Variants in SECTM1 observed in about 807,000 individuals in gnomAD.
SECTM1 encodes secreted and transmembrane protein 1.
Under a neutral mutation model 18.1 loss-of-function variants are expected in SECTM1, and 10 were observed. The observed-to-expected ratio is 0.55, with a 90% CI of 0.34 to 0.94. The LOEUF (loss-of-function observed/expected upper bound fraction) is 0.94. Among genes scored for constraint, SECTM1 ranks in the 40% least tolerant of loss-of-function variants. The pLI, the probability that SECTM1 is intolerant of heterozygous loss-of-function variation, is 0.02. For synonymous variants in SECTM1, 137 were observed against 139.2 expected (o/e 0.98, Z 0.11); for missense variants, 297 against 322.6 (o/e 0.92, Z 0.61).
rs991676149 is a variant in SECTM1 at position 82,322,034 on chromosome 17, A to C, written c.*127T>G. ...CTGCACGCACCCAGGAGTGGGTGACACAGAGGCCCAGCCTGCCAAGCAAGC... is the reference window on the plus strand; with the variant it reads ...CTGCACGCACCCAGGAGTGGGTGACCCAGAGGCCCAGCCTGCCAAGCAAGC... On this transcript the variant is annotated 3_prime_UTR_variant, in exon 5 of 5. Transcript: ENST00000269389. 1.1e-5 allele frequency: 9 copies of C among 847,370 alleles called. No individual in the cohort carries two copies. The highest frequency in any genetic ancestry group is 1.5e-5 in the Non-Finnish European group (8 of 530,578). The allele number at this position is 847,370 out of a possible 1,614,324, so 52.5% of individuals were successfully genotyped here.
At position 82,327,130 on chromosome 17, in the gene SECTM1, G is replaced by A. The variant is rs769542119; in HGVS notation, c.94+17C>T. On this transcript the variant is annotated intron_variant, in intron 2 of 4. Coordinates refer to ENST00000269389, the MANE Select transcript of SECTM1 (RefSeq NM_003004.3). ...GCCCCCCTTTCCCCAGCAGAGAGGCGGGGCCCCGAGACCTACCTTCATTCT... is the reference window on the plus strand; with the variant it reads ...GCCCCCCTTTCCCCAGCAGAGAGGCAGGGCCCCGAGACCTACCTTCATTCT... The A allele has an allele frequency of 1.1e-5, 17 of 1,581,554 alleles. No homozygotes were observed. Among genetic ancestry groups the A allele is most frequent in the East Asian group, 4.6e-5 (2 of 43,554 alleles).
At chr17:82,323,824 A>G (rs1246998110) in intron 3 of SECTM1, among the ~76,000 whole-genome samples, 3 of 132,652 alleles carry the variant, frequency 2.3e-5, no homozygotes, top group Non-Finnish European at 4.8e-5. Flanking sequence ...GTGTCGGGGG[A>G]GCTGAGGCAG....
chr17:82,327,005 G>A (rs551079307), intron 2 of SECTM1, 142 bp downstream of exon 2: 4 of 627,354 alleles, frequency 6.4e-6, no homozygotes, highest in Admixed American at 3.0e-5. Flanking sequence ...GCTCCACATG[G>A]TCAGGCCCTG....
chr17:82,327,213 C>A lies in SECTM1; in HGVS notation c.28G>T (p.Gly10Cys). 6.2e-7 allele frequency: 1 copy of A among 1,610,820 alleles called. No homozygotes were observed. The highest frequency in any genetic ancestry group is 8.5e-7 in the Non-Finnish European group (1 of 1,178,616). MQTCPLAFP[G>C]HVSQALGTLL... is the part of the protein sequence containing the mutation. ...GTCCCAAGGGCCTGGGAAACGTGGCCAGGGAATGCCAGGGGGCAGGTCTGC... is the reference window on the plus strand; with the variant it reads ...GTCCCAAGGGCCTGGGAAACGTGGCAAGGGAATGCCAGGGGGCAGGTCTGC... Residue 10 changes from glycine to cysteine, a missense_variant, in exon 2 of 5, where the codon GGC (glycine) becomes TGC (cysteine). Gly to Cys is a radical substitution (Grantham distance 159). Transcript: ENST00000269389.
intron 3 of SECTM1, among the ~76,000 whole-genome samples, chr17:82,323,755 G>T (rs2052119655): frequency 1.3e-5 from 2 of 151,946 alleles, no homozygotes; most frequent in Non-Finnish European, 2.9e-5. Context: ...CGGGGGAGAA[G>T]AGGCAGAGGG....
At chr17:82,322,807 C>A in intron 4 of SECTM1, 71 bp downstream of exon 4, 1 of 1,568,734 alleles carries the variant, frequency 6.4e-7, no homozygotes, top group Admixed American at 1.8e-5. Context: ...GACAGTAAGG[C>A]TGACCTCAGC....
rs2052096335 is a variant in SECTM1, at chr17:82,322,084, A to G, written c.*77T>C. On this transcript the variant is annotated 3_prime_UTR_variant, in exon 5 of 5. Coordinates refer to ENST00000269389, the MANE Select transcript of SECTM1 (RefSeq NM_003004.3). ...CCGGTGTCTGTGCCCTCCGGGTGGGACGAGAGACCCAGGCCCCGCCACCCA... is the reference window on the plus strand; with the variant it reads ...CCGGTGTCTGTGCCCTCCGGGTGGGGCGAGAGACCCAGGCCCCGCCACCCA... 2.1e-6 allele frequency: 3 copies of G among 1,446,558 alleles called. No individual in the cohort carries two copies. Among genetic ancestry groups the G allele is most frequent in the Non-Finnish European group, 2.9e-6 (3 of 1,035,738 alleles). The allele number at this position is 1,446,558 out of a possible 1,614,324, so 89.6% of individuals were successfully genotyped here. A position where few individuals can be genotyped will look rare whatever the true frequency, so the allele number is the denominator to read the frequency against.
chr17:82,324,443 C>T (rs956455082), intron 3 of SECTM1, 139 bp downstream of exon 3: 7 of 924,242 alleles, frequency 7.6e-6, no homozygotes, highest in Non-Finnish European at 1.1e-5. Flanking sequence ...CCAACCCTGT[C>T]TCCTGGCAGC....
intron 1 of SECTM1, among the ~76,000 whole-genome samples, chr17:82,332,177 G>A (rs942546695): frequency 2.0e-5 from 3 of 152,260 alleles, no homozygotes; most frequent in East Asian, 1.9e-4. Flanking sequence ...CTTCTAGAGC[G>A]GGAAAAGATG....
chr17:82,326,092 G>A lies in SECTM1; in HGVS notation c.94+1055C>T, dbSNP rs10401044. Among the ~76,000 whole-genome samples the A allele has an allele frequency of 5.6e-3, 851 of 152,294 alleles. 10 individuals carry two copies. Among genetic ancestry groups the A allele is most frequent in the African/African-American group, 0.02 (816 of 41,566 alleles). On this transcript the variant is annotated intron_variant, in intron 2 of 4. Coordinates refer to ENST00000269389, the MANE Select transcript of SECTM1 (RefSeq NM_003004.3). The surrounding 1 kb of genome is among the most constrained non-coding windows in gnomAD (Gnocchi z 4.3). ...TAAGGCCACTGCACAAATTCACACC[G>A]TCCCGAGGGCAGCGGGCGGCTGTCC...
intron 1 of SECTM1, among the ~76,000 whole-genome samples, chr17:82,331,169 C>T (rs146894947): frequency 5.3e-5 from 8 of 152,116 alleles, no homozygotes; most frequent in South Asian, 2.1e-4. Flanking sequence ...CGGCAAGTGG[C>T]GGGAAAGGTG....
At position 82,327,187 on chromosome 17, in the gene SECTM1, G is replaced by A; in HGVS notation, c.54C>T (p.Thr18=). ...TCAAGGAGGCAGCCAAAAACAGGAG[G>A]GTCCCAAGGGCCTGGGAAACGTGGC... ...FPGHVSQALG[T]LLFLAASLSA... Residue 18 remains threonine, a synonymous_variant, in exon 2 of 5, where the codon ACC becomes ACT. Transcript: ENST00000269389. 1 of 1,612,766 alleles carries A rather than the reference G, an allele frequency of 6.2e-7. No individual in the cohort carries two copies. The highest frequency in any genetic ancestry group is 8.5e-7 in the Non-Finnish European group (1 of 1,179,410).
Position 82,327,364 on chromosome 17 carries a change from C to T in SECTM1, c.-52-72G>A, listed in dbSNP as rs2052155666. ...AGGGGACAGCGGGAGCGGCTGTCAC[C>T]TGGCGGGGGCTGGGAGGCTGGGGGT... On this transcript the variant is annotated intron_variant, in intron 1 of 4. Transcript: ENST00000269389. The T allele has an allele frequency of 3.8e-5, 32 of 850,746 alleles. 1 individual carries two copies. The South Asian group carries it at 4.7e-4, about 13-fold the overall frequency. The allele number at this position is 850,746 out of a possible 1,614,324, so 52.7% of individuals were successfully genotyped here.
At chr17:82,324,139 G>A (rs979328709) in intron 3 of SECTM1, among the ~76,000 whole-genome samples, 3 of 152,046 alleles carry the variant, frequency 2.0e-5, no homozygotes, top group African/African-American at 4.8e-5. Flanking sequence ...GCCTCTCAGA[G>A]CACAGGTATT....
chr17:82,321,404 TGAAGACATCAAAGG>T lies in SECTM1; in HGVS notation c.*743_*756del, dbSNP rs2052086445. On this transcript the variant is annotated 3_prime_UTR_variant, in exon 5 of 5. Transcript: ENST00000269389. ...CGGTGATTTTTCCACCCCATACAGATGAAGACATCAAAGGGCCCCGCCGCAGTGACGAAGACAAA... is the reference window on the plus strand; with the variant it reads ...CGGTGATTTTTCCACCCCATACAGATGCCCCGCCGCAGTGACGAAGACAAA... 1 of 152,234 alleles carries T rather than the reference TGAAGACATCAAAGG, an allele frequency of 6.6e-6. No homozygotes were observed. The highest frequency in any genetic ancestry group is 6.5e-5 in the Admixed American group (1 of 15,276). 9.4% of individuals were successfully genotyped at this position (152,234 alleles called of 1,614,324 possible). A position where few individuals can be genotyped will look rare whatever the true frequency, so the allele number is the denominator to read the frequency against.
At chr17:82,331,003 G>C (rs551454009) in intron 1 of SECTM1, among the ~76,000 whole-genome samples, 3 of 152,270 alleles carry the variant, frequency 2.0e-5, no homozygotes, top group African/African-American at 7.2e-5. Context: ...CCTCTCCCCG[G>C]TCCTCCCTTC....
rs1223260845 is a variant in SECTM1 at position 82,330,268 on chromosome 17, C to A, written c.-52-2976G>T. Among the ~76,000 whole-genome samples, 1 of 152,192 alleles carries A rather than the reference C, an allele frequency of 6.6e-6. No homozygotes were observed. Among genetic ancestry groups the A allele is most frequent in the African/African-American group, 2.4e-5 (1 of 41,440 alleles). On this transcript the variant is annotated intron_variant, in intron 1 of 4. Coordinates refer to ENST00000269389, the MANE Select transcript of SECTM1 (RefSeq NM_003004.3). The surrounding 1 kb of genome is among the most constrained non-coding windows in gnomAD (Gnocchi z 6.1). ...CCGGGAGGGGATGCCCTGCTGCTCT[C>A]CCCAGGCTGCTCTGGGGAGTCCTGC...
At chr17:82,331,805 G>T (rs1020992473) in intron 1 of SECTM1, among the ~76,000 whole-genome samples, 1 of 152,246 alleles carries the variant, frequency 6.6e-6, no homozygotes, top group African/African-American at 2.4e-5. Flanking sequence ...CCTGGCACAG[G>T]GAGACCAGGT....
chr17:82,324,347 C>A (rs2147267165), intron 3 of SECTM1, among the ~76,000 whole-genome samples: 1 of 152,142 alleles, frequency 6.6e-6, no homozygotes, highest in South Asian at 2.1e-4. Flanking sequence ...GTCTGTGCCC[C>A]CTGAGCCTCC....
Sources: allele counts gnomAD v4.1 joint callset (sites outside exome capture counted in the v4.1 genomes callset), GRCh38; gene constraint gnomAD v4.1.1; non-coding constraint Gnocchi (gnomAD v3.1); transcripts MANE v1.5; gene names NCBI Gene and HGNC (gene_info 2026-07-23, HGNC 2026-07-21).